Variants in NR6A1 observed in about 807,000 individuals in gnomAD.
The protein encoded by NR6A1 is nuclear receptor subfamily 6 group A member 1, also known as retinoic acid receptor-related testis-associated receptor.
NR6A1 carries 7 observed loss-of-function variants against 59.1 expected under a neutral mutation model. The observed-to-expected ratio is 0.12, with a 90% CI of 0.07 to 0.22. The LOEUF is 0.22. Among genes scored for constraint, NR6A1 ranks in the 10% least tolerant of loss-of-function variants. NR6A1 has a pLI of 1.00. For synonymous variants in NR6A1, 243 were observed against 236.1 expected, an observed-to-expected ratio of 1.03 and a Z score of -0.27; for missense variants, 468 against 611.6, an observed-to-expected ratio of 0.77 and a Z score of 2.48.
chr9:124,687,988 GT>G (rs1346786594), intron 2 of NR6A1, among the ~76,000 whole-genome samples: 1 of 152,128 alleles, frequency 6.6e-6, no homozygotes, highest in Non-Finnish European at 1.5e-5. Context: ...CAGTAAGACA[GT>G]AACAATAACT....
chr9:124,556,650 G>A lies in NR6A1; in HGVS notation c.143-2080C>T, dbSNP rs541635336. ...TAATTTTTGTATTTTTAGTAGAGAC[G>A]GGGTTTTACCATCTTGGCCAGGCTG... On this transcript the variant is annotated intron_variant, in intron 2 of 9. Transcript: ENST00000487099. 5.3e-5 allele frequency among the ~76,000 whole-genome samples: 8 copies of A among 151,920 alleles called. No homozygotes were observed. In the South Asian group the frequency reaches 1.2e-3, roughly 24 times the overall value.
chr9:124,751,653 G>A (rs1487278527), intron 1 of NR6A1, among the ~76,000 whole-genome samples: 1 of 152,164 alleles, frequency 6.6e-6, no homozygotes, highest in Non-Finnish European at 1.5e-5. Flanking sequence ...ACATGAGTCT[G>A]GTGCCTGGGA....
chr9:124,525,130 C>A (rs1832896479), intron 8 of NR6A1, among the ~76,000 whole-genome samples: 1 of 152,068 alleles, frequency 6.6e-6, no homozygotes, highest in East Asian at 1.9e-4. Context: ...AACTTCATAC[C>A]AAACTCCCAA....
At chr9:124,770,821 G>T (rs997407105) in intron 1 of NR6A1, among the ~76,000 whole-genome samples, 199 bp downstream of exon 1, 1 of 151,762 alleles carries the variant, frequency 6.6e-6, no homozygotes, top group Non-Finnish European at 1.5e-5. Context: ...GGACGAAGGA[G>T]GAGGATCCAC....
intron 2 of NR6A1, among the ~76,000 whole-genome samples, chr9:124,609,512 C>A (rs1044072744): frequency 9.2e-5 from 14 of 152,066 alleles, no homozygotes; most frequent in African/African-American, 3.4e-4. Flanking sequence ...CTTACTGTGG[C>A]CTTATAGTCT....
chr9:124,666,989 T>G (rs576031433), intron 2 of NR6A1, among the ~76,000 whole-genome samples: 141 of 152,268 alleles, frequency 9.3e-4, no homozygotes, highest in Middle Eastern at 3.4e-3. Context: ...ATGCTTCGTA[T>G]GTAGTAGCTA....
At chr9:124,656,165 C>T (rs1367584575) in intron 2 of NR6A1, among the ~76,000 whole-genome samples, 1 of 152,110 alleles carries the variant, frequency 6.6e-6, no homozygotes, top group Non-Finnish European at 1.5e-5. Context: ...CTTGCCTCCT[C>T]CTCTCCTACC....
At chr9:124,565,885 A>G (rs890411235) in intron 2 of NR6A1, among the ~76,000 whole-genome samples, 2 of 152,244 alleles carry the variant, frequency 1.3e-5, no homozygotes, top group Admixed American at 6.5e-5. Context: ...TTGTTTACAC[A>G]ATCACTATGG....
chr9:124,601,035 G>GGT (rs1206594881), intron 2 of NR6A1, among the ~76,000 whole-genome samples: 1 of 152,070 alleles, frequency 6.6e-6, no homozygotes, highest in Non-Finnish European at 1.5e-5. Context: ...CAGCACTTTG[G>GGT]GAGGCCAAGG....
chr9:124,686,337 C>T (rs1838328822), intron 2 of NR6A1, among the ~76,000 whole-genome samples: 1 of 152,198 alleles, frequency 6.6e-6, no homozygotes, highest in Admixed American at 6.5e-5. Context: ...TGTTGCAAAA[C>T]ACACGCCTAT....
intron 2 of NR6A1, among the ~76,000 whole-genome samples, chr9:124,729,005 G>C (rs1352886595): frequency 6.6e-6 from 1 of 152,118 alleles, no homozygotes; most frequent in African/African-American, 2.4e-5. Context: ...AATTTGACTT[G>C]AGCCATAAAA....
chr9:124,656,137 C>T (rs1347201761), intron 2 of NR6A1, among the ~76,000 whole-genome samples: 1 of 152,066 alleles, frequency 6.6e-6, no homozygotes, highest in Non-Finnish European at 1.5e-5. Context: ...AGTAGTCTGG[C>T]ACCTCCTTCT....
intron 1 of NR6A1, among the ~76,000 whole-genome samples, chr9:124,763,988 A>G (rs1840853516): frequency 6.6e-6 from 1 of 152,166 alleles, no homozygotes; most frequent in African/African-American, 2.4e-5. Flanking sequence ...GTTCGAAACC[A>G]GCCTGGCCAA....
chr9:124,584,215 C>T (rs1334682759), intron 2 of NR6A1, among the ~76,000 whole-genome samples: 1 of 151,500 alleles, frequency 6.6e-6, no homozygotes, highest in Non-Finnish European at 1.5e-5. Context: ...TCAAGCGATT[C>T]TCCTGCCTCA....
At chr9:124,737,559 G>A (rs1443763320) in intron 1 of NR6A1, among the ~76,000 whole-genome samples, 1 of 152,200 alleles carries the variant, frequency 6.6e-6, no homozygotes, top group African/African-American at 2.4e-5. Flanking sequence ...GGCAATCAGA[G>A]TTGTTCAGCA....
intron 2 of NR6A1, among the ~76,000 whole-genome samples, chr9:124,630,666 A>ATTTT (rs1836406674): frequency 3.7e-5 from 3 of 81,814 alleles, no homozygotes; most frequent in African/African-American, 1.8e-4. Flanking sequence ...AAGTTACTAC[A>ATTTT]TTTCTTTTTT....
At chr9:124,741,228 G>A (rs889117077) in intron 1 of NR6A1, among the ~76,000 whole-genome samples, 5 of 152,164 alleles carry the variant, frequency 3.3e-5, no homozygotes, top group African/African-American at 1.2e-4. Flanking sequence ...ATGAAACAGT[G>A]AAAACATAGT....
chr9:124,729,966 C>T (rs1839835897), intron 2 of NR6A1, among the ~76,000 whole-genome samples: 1 of 152,128 alleles, frequency 6.6e-6, no homozygotes, highest in Non-Finnish European at 1.5e-5. Flanking sequence ...GCATGCGCCA[C>T]CACAACCCAG....
intron 2 of NR6A1, among the ~76,000 whole-genome samples, chr9:124,598,248 G>A (rs903418366): frequency 1.3e-5 from 2 of 152,036 alleles, no homozygotes; most frequent in Non-Finnish European, 2.9e-5. Flanking sequence ...GAGGCAGGAG[G>A]ATGGCTTGAA....
Sources: allele counts gnomAD v4.1 joint callset (sites outside exome capture counted in the v4.1 genomes callset), GRCh38; gene constraint gnomAD v4.1.1; transcripts MANE v1.5; gene names NCBI Gene and HGNC (gene_info 2026-07-23, HGNC 2026-07-21).